CELF2: variants seen among roughly 807,000 people sequenced by gnomAD.
CELF2 encodes the protein CUGBP Elav-like family member 2.
A neutral mutation model predicts 62.6 loss-of-function variants in CELF2; 8 were observed. The ratio of observed to expected loss-of-function variants is 0.13; its 90% CI spans 0.07 to 0.23. The LOEUF is 0.23. Among genes scored for constraint, CELF2 ranks in the 10% least tolerant of loss-of-function variants. The pLI is 1.00. For synonymous variants in CELF2, 258 were observed against 250.0 expected (o/e 1.03, Z -0.30); for missense variants, 333 against 671.0 (o/e 0.50, Z 5.56).
chr10:10,534,860 A>G, the CELF2 span, among the ~76,000 whole-genome samples: 1 of 152,240 alleles, frequency 6.6e-6, no homozygotes, highest in Non-Finnish European at 1.5e-5. Flanking sequence ...CATAAAGTAG[A>G]CTATTTAATA....
the CELF2 span, among the ~76,000 whole-genome samples, chr10:10,584,106 A>G: frequency 6.6e-6 from 1 of 152,190 alleles, no homozygotes; most frequent in Admixed American, 6.5e-5. Context: ...ATCACCACCT[A>G]CCTAAAAACA....
intron 1 of CELF2, among the ~76,000 whole-genome samples, chr10:10,913,547 C>T (rs917275717): frequency 7.9e-5 from 12 of 151,026 alleles, no homozygotes; most frequent in Non-Finnish European, 1.2e-4. Flanking sequence ...TGTGCCACTA[C>T]GCCCAGCTAA....
upstream of CELF2, among the ~76,000 whole-genome samples, chr10:10,795,755 G>GT (rs1205845886): frequency 7.5e-6 from 1 of 132,496 alleles, no homozygotes; most frequent in Non-Finnish European, 1.6e-5. Context: ...TTGAAATTAA[G>GT]AAAAAGGCAA....
At chr10:10,621,583 C>T in the CELF2 span, among the ~76,000 whole-genome samples, 1 of 152,176 alleles carries the variant, frequency 6.6e-6, no homozygotes, top group Non-Finnish European at 1.5e-5. Context: ...AGGGTACCCA[C>T]ATAAGTCACC....
At chr10:10,578,253 A>G in the CELF2 span, among the ~76,000 whole-genome samples, 152 of 151,858 alleles carry the variant, frequency 1.0e-3, 1 homozygote, top group African/African-American at 3.2e-3. Context: ...TGTAGATTCT[A>G]GATATTAGCC....
the CELF2 span, among the ~76,000 whole-genome samples, chr10:10,473,690 A>G: frequency 6.6e-6 from 1 of 152,066 alleles, no homozygotes; most frequent in Non-Finnish European, 1.5e-5. Context: ...ATGGTTAACC[A>G]TTATATTTAC....
the CELF2 span, among the ~76,000 whole-genome samples, chr10:10,660,755 G>T: frequency 9.4e-4 from 143 of 152,334 alleles, 1 homozygote; most frequent in African/African-American, 3.4e-3. Flanking sequence ...TTTGCAAAGT[G>T]TCATCCAAAA....
chr10:10,901,617 T>C (rs1284800529), intron 1 of CELF2, among the ~76,000 whole-genome samples: 1 of 152,172 alleles, frequency 6.6e-6, no homozygotes, highest in Non-Finnish European at 1.5e-5. Flanking sequence ...AGTTCCTAAA[T>C]ACAGCTCTAA....
chr10:10,817,303 C>T (rs2056552715), intron 1 of CELF2, among the ~76,000 whole-genome samples: 1 of 152,072 alleles, frequency 6.6e-6, no homozygotes, highest in South Asian at 2.1e-4. Flanking sequence ...AAACATTTAT[C>T]CTTTGAGTTA....
chr10:10,669,675 C>T, the CELF2 span, among the ~76,000 whole-genome samples: 1 of 152,172 alleles, frequency 6.6e-6, no homozygotes, highest in African/African-American at 2.4e-5. Flanking sequence ...GCAGGCCACC[C>T]CAGCTGGATT....
At chr10:11,183,114 C>T (rs548258506) in intron 2 of CELF2, among the ~76,000 whole-genome samples, 3 of 152,316 alleles carry the variant, frequency 2.0e-5, no homozygotes, top group Non-Finnish European at 2.9e-5. Flanking sequence ...TCCTCATGCA[C>T]CTTGGCAGTC....
At chr10:10,846,406 C>G (rs928142943) in intron 1 of CELF2, among the ~76,000 whole-genome samples, 16 of 151,918 alleles carry the variant, frequency 1.1e-4, no homozygotes, top group African/African-American at 3.9e-4. Flanking sequence ...ACTGAGAGCC[C>G]GAGGAATCCA....
chr10:11,279,983 T>C (rs2087737755), intron 8 of CELF2, among the ~76,000 whole-genome samples: 1 of 152,066 alleles, frequency 6.6e-6, no homozygotes, highest in East Asian at 1.9e-4. Context: ...CTGAGCAGAG[T>C]GCTTCATGAA....
intron 9 of CELF2, among the ~76,000 whole-genome samples, chr10:11,298,499 G>A (rs1018387229): frequency 3.3e-5 from 5 of 152,212 alleles, no homozygotes; most frequent in Non-Finnish European, 7.3e-5. Flanking sequence ...AACTCATGCC[G>A]GGGCAGAGGT....
the CELF2 span, among the ~76,000 whole-genome samples, chr10:10,763,328 C>T: frequency 2.9e-3 from 437 of 152,292 alleles, 3 homozygotes; most frequent in African/African-American, 0.01. Context: ...CAATCATATC[C>T]CTCGTCGTGA....
the CELF2 span, among the ~76,000 whole-genome samples, chr10:10,679,382 T>C: frequency 2.0e-5 from 3 of 152,120 alleles, no homozygotes; most frequent in Non-Finnish European, 1.5e-5. Flanking sequence ...CTCCACCTCC[T>C]GGGTTCAAGC....
intron 8 of CELF2, among the ~76,000 whole-genome samples, chr10:11,287,819 A>G (rs1401250502): frequency 6.6e-6 from 1 of 152,258 alleles, no homozygotes. Context: ...TTTAATCTGC[A>G]CAACAACCCT....
intron 2 of CELF2, among the ~76,000 whole-genome samples, chr10:10,987,812 A>ACGAATAGG (rs2052954689): frequency 6.6e-6 from 1 of 152,324 alleles, no homozygotes; most frequent in East Asian, 1.9e-4. Context: ...ACATGAATAG[A>ACGAATAGG]CAATTCTCAA....
rs1250862421 is a variant in CELF2, at chr10:11,098,517, A to T, written c.75-66969A>T. On this transcript the variant is annotated intron_variant, in intron 1 of 12. Coordinates refer to ENST00000633077, the MANE Select transcript of CELF2 (RefSeq NM_001326342.2). This position sits in a 1 kb window ranked among gnomAD's most constrained non-coding sequence, Gnocchi z 4.0. ...AGAGGAAAGGGCAGTTAGGGAAGAA[A>T]TGAGGGAAAAAATGGATGAGGAAGA... 6.6e-6 allele frequency: 1 copy of T among 152,262 alleles called. No individual in the cohort carries two copies. The highest frequency in any genetic ancestry group is 2.4e-5 in the African/African-American group (1 of 41,456). 9.4% of individuals were successfully genotyped at this position (152,262 alleles called of 1,614,324 possible). A position where few individuals can be genotyped will look rare whatever the true frequency, so the allele number is the denominator to read the frequency against.
Sources: gnomAD v4.1 joint callset for allele counts (sites outside exome capture counted in the v4.1 genomes callset) on GRCh38, gnomAD v4.1.1 for gene constraint, Gnocchi (gnomAD v3.1) non-coding constraint, MANE v1.5 for transcripts, NCBI Gene and HGNC (gene_info 2026-07-23, HGNC 2026-07-21) for gene names.